The following ERG28 variants were observed in gnomAD, a reference collection of about 807,000 sequenced individuals.
The protein encoded by ERG28 is ergosterol biosynthesis 28 homolog.
In ERG28, 9 loss-of-function variants were observed where a neutral mutation model predicts 15.7. That is an observed-to-expected ratio of 0.57 (90% CI 0.35 to 1.00). The LOEUF (loss-of-function observed/expected upper bound fraction) is 1.00. Among genes scored for constraint, ERG28 ranks in the 50% least tolerant of loss-of-function variants. The pLI is 0.02. For missense variants in ERG28, 117 were observed against 173.3 expected (o/e 0.68, Z 1.82); for synonymous variants, 61 against 68.4 (o/e 0.89, Z 0.53).
Position 75,651,602 on chromosome 14 carries a change from G to C in ERG28, c.376C>G (p.Arg126Gly). The change falls in exon 5 of 5, where the codon CGG (arginine) becomes GGG (glycine). Residue 126 changes from arginine (R) to glycine (G), a missense_variant. Transcript: ENST00000256319. ...FSILGMLVGLRYLEVEPVSRQ... is the reference protein window; with the variant it reads ...FSILGMLVGLGYLEVEPVSRQ... Reference sequence around the variant, plus strand: ...GATACTGGTTCTACTTCTAGATACCGGAGCCCGACCAGCATACCCAGGATG... The same window carrying C: ...GATACTGGTTCTACTTCTAGATACCCGAGCCCGACCAGCATACCCAGGATG... The C allele has an allele frequency of 6.2e-7, 1 of 1,613,624 alleles. No homozygotes were observed. The highest frequency in any genetic ancestry group is 8.5e-7 in the Non-Finnish European group (1 of 1,179,578).
intron 3 of ERG28, among the ~76,000 whole-genome samples, chr14:75,653,664 C>G (rs1890559738): frequency 6.6e-6 from 1 of 151,430 alleles, no homozygotes; most frequent in South Asian, 2.1e-4. Flanking sequence ...AAAAGCACAA[C>G]AATCAAAAGA....
At chr14:75,659,518 G>A (rs963450905) in intron 1 of ERG28, among the ~76,000 whole-genome samples, 4 of 148,032 alleles carry the variant, frequency 2.7e-5, no homozygotes, top group African/African-American at 5.0e-5. Context: ...CCTTGGCCTC[G>A]CCTCCCAAAT....
chr14:75,657,642 T>A, intron 1 of ERG28, 109 bp from the exon 2 acceptor site: 2 of 943,756 alleles, frequency 2.1e-6, no homozygotes, highest in Non-Finnish European at 3.2e-6. Context: ...TCAGTCACAC[T>A]AATAGTGGTG....
intron 1 of ERG28, among the ~76,000 whole-genome samples, chr14:75,660,272 G>C (rs1890667734): frequency 2.0e-5 from 3 of 152,174 alleles, no homozygotes; most frequent in Admixed American, 1.3e-4. Flanking sequence ...GCCTCTTAGA[G>C]TGTATACAAC....
intron 2 of ERG28, among the ~76,000 whole-genome samples, chr14:75,655,612 T>C (rs937264796): frequency 3.3e-5 from 5 of 152,252 alleles, no homozygotes; most frequent in African/African-American, 9.6e-5. Flanking sequence ...GTATTAAATA[T>C]CTTGTCCTGA....
rs1036841341 is a variant in ERG28 at position 75,651,001 on chromosome 14, A to T, written c.*554T>A. On this transcript the variant is annotated 3_prime_UTR_variant, in exon 5 of 5. Transcript: ENST00000256319. ...TTCCAACCCTCATGCATCTGTAGAT[A>T]GAAGGAGAGCTGTGGTCTTGCTCAC... 5 of 154,068 alleles carry T rather than the reference A, an allele frequency of 3.2e-5. No homozygotes were observed. The highest frequency in any genetic ancestry group is 1.2e-4 in the African/African-American group (5 of 41,436). The allele number at this position is 154,068 out of a possible 1,614,324, so 9.5% of individuals were successfully genotyped here. A position where few individuals can be genotyped will look rare whatever the true frequency, so the allele number is the denominator to read the frequency against.
chr14:75,653,741 T>A (rs1402931884), intron 3 of ERG28, among the ~76,000 whole-genome samples: 1 of 152,126 alleles, frequency 6.6e-6, no homozygotes. Flanking sequence ...TGTTCAATCC[T>A]CCCTTCCTCT....
chr14:75,657,085 A>G, intron 2 of ERG28, among the ~76,000 whole-genome samples: 1 of 151,232 alleles, frequency 6.6e-6, no homozygotes, highest in East Asian at 1.9e-4. Flanking sequence ...AAAAGTATTC[A>G]GAGAAGCTTG....
intron 2 of ERG28, among the ~76,000 whole-genome samples, chr14:75,656,549 C>A (rs932295935): frequency 6.6e-6 from 1 of 152,166 alleles, no homozygotes; most frequent in African/African-American, 2.4e-5. Flanking sequence ...TTAAAATGAG[C>A]CTTAGCCTAC....
chr14:75,652,388 C>T lies in ERG28; in HGVS notation c.225-499G>A, dbSNP rs560264337. ...CCTCTGGGGCTTTTAGATGCTCTTGCAATATACGTTGGTTACTTTGTGCCT... is the reference window on the plus strand; with the variant it reads ...CCTCTGGGGCTTTTAGATGCTCTTGTAATATACGTTGGTTACTTTGTGCCT... On this transcript the variant is annotated intron_variant, in intron 3 of 4. Transcript: ENST00000256319. 3.3e-5 allele frequency among the ~76,000 whole-genome samples: 5 copies of T among 152,262 alleles called. No individual in the cohort carries two copies. In the South Asian group the frequency reaches 1.0e-3, roughly 32 times the overall value.
chr14:75,654,826 G>T, intron 3 of ERG28, 60 bp downstream of exon 3: 1 of 1,491,812 alleles, frequency 6.7e-7, no homozygotes, highest in Non-Finnish European at 9.4e-7. Context: ...AAGGTAACAG[G>T]TATGCCTCGC....
Position 75,657,474 on chromosome 14 carries a change from C to T in ERG28, c.29G>A (p.Ser10Asn). 6.2e-7 allele frequency: 1 copy of T among 1,614,108 alleles called. No individual in the cohort carries two copies. The highest frequency in any genetic ancestry group is 8.5e-7 in the Non-Finnish European group (1 of 1,179,982). Residue 10 changes from serine to asparagine, a missense_variant, in exon 2 of 5, where the codon AGT (serine) becomes AAT (asparagine). Transcript: ENST00000256319. ...TATGATGGACACCATAACCAGCCAA[C>T]TTCTTAACACATTCAGGAAACGGCT... MSRFLNVLR[S>N]WLVMVSIIAM...
At chr14:75,653,112 C>T (rs1890550710) in intron 3 of ERG28, among the ~76,000 whole-genome samples, 1 of 152,020 alleles carries the variant, frequency 6.6e-6, no homozygotes, top group South Asian at 2.1e-4. Flanking sequence ...GCAGAAGCCA[C>T]CCGCGCCTGG....
Position 75,654,211 on chromosome 14 carries a change from A to C in ERG28, c.224+675T>G, listed in dbSNP as rs796335505. Among the ~76,000 whole-genome samples, 6 of 152,340 alleles carry C rather than the reference A, an allele frequency of 3.9e-5. 1 individual carries two copies. Among genetic ancestry groups the C allele is most frequent in the African/African-American group, 1.4e-4 (6 of 41,586 alleles). The stretch of plus-strand genomic sequence containing the variant: ...GCCAAGAGCCTGGATAAGACAGAAA[A>C]ACATTTTAATGTGAAGTTGGCATTC... On this transcript the variant is annotated intron_variant, in intron 3 of 4. Coordinates refer to ENST00000256319, the MANE Select transcript of ERG28 (RefSeq NM_007176.4).
Position 75,659,892 on chromosome 14 carries a change from C to A in ERG28, c.-32+883G>T, listed in dbSNP as rs1456636430. 2.6e-5 allele frequency among the ~76,000 whole-genome samples: 4 copies of A among 151,294 alleles called. No individual in the cohort carries two copies. The East Asian group carries it at 5.9e-4, about 22-fold the overall frequency. On this transcript the variant is annotated intron_variant, in intron 1 of 4. Transcript: ENST00000256319. ...GCCCCCCCCCGCCAACTCCCCGCCC[C>A]AAACAAGCAATAAAGAGATCTAGAG...
At chr14:75,653,750 C>T (rs1257846851) in intron 3 of ERG28, among the ~76,000 whole-genome samples, 2 of 152,098 alleles carry the variant, frequency 1.3e-5, no homozygotes, top group African/African-American at 4.8e-5. Flanking sequence ...CTCCCTTCCT[C>T]TTAGTCACCC....
intron 3 of ERG28, 23 bp from the exon 4 acceptor site, chr14:75,651,912 G>A (rs903004668): frequency 1.9e-6 from 3 of 1,556,690 alleles, no homozygotes; most frequent in Admixed American, 1.7e-5. Context: ...AGACAGAAAT[G>A]GGAACCAAAG....
chr14:75,653,744 C>G (rs1174380713), intron 3 of ERG28, among the ~76,000 whole-genome samples: 1 of 152,106 alleles, frequency 6.6e-6, no homozygotes, highest in African/African-American at 2.4e-5. Flanking sequence ...TCAATCCTCC[C>G]TTCCTCTTAG....
chr14:75,654,251 GGT>G (rs2140063821), intron 3 of ERG28, among the ~76,000 whole-genome samples: 1 of 152,286 alleles, frequency 6.6e-6, no homozygotes, highest in Admixed American at 6.5e-5. Flanking sequence ...AGCCTCCCTC[GGT>G]GACCTGAACA....
Sources: allele counts gnomAD v4.1 joint callset (sites outside exome capture counted in the v4.1 genomes callset), GRCh38; gene constraint gnomAD v4.1.1; transcripts MANE v1.5; gene names NCBI Gene and HGNC (gene_info 2026-07-23, HGNC 2026-07-21).